NPHP1: variants seen among roughly 807,000 people sequenced by gnomAD.
NPHP1 encodes nephrocystin 1.
NPHP1 carries 70 observed loss-of-function variants against 90.4 expected under a neutral mutation model. That is an observed-to-expected ratio of 0.77 (90% CI 0.64 to 0.95). NPHP1 has a LOEUF of 0.95. Ranked by LOEUF, NPHP1 falls within the 40% of genes least tolerant of loss-of-function variation. The probability of loss-of-function intolerance (pLI) is 0.00; values close to 1 mark genes in which losing one functional copy is unlikely to be tolerated. For missense variants in NPHP1, 764 were observed against 795.9 expected (o/e 0.96, Z 0.48); for synonymous variants, 256 against 271.7 (o/e 0.94, Z 0.57).
At chr2:110,143,697 T>A in intron 15 of NPHP1, 56 bp from the exon 16 acceptor site, 2 of 1,189,960 alleles carry the variant, frequency 1.7e-6, no homozygotes, top group Non-Finnish European at 2.5e-6. Flanking sequence ...AGACAGTGAG[T>A]ATAATAAAAC....
At chr2:110,200,271 A>G (rs1685484124) in intron 2 of NPHP1, among the ~76,000 whole-genome samples, 1 of 142,424 alleles carries the variant, frequency 7.0e-6, no homozygotes, top group Admixed American at 7.0e-5. Flanking sequence ...AATAAAACAT[A>G]ACAATTATTA....
intron 4 of NPHP1, 45 bp downstream of exon 4, chr2:110,178,378 A>C (rs771738304): frequency 6.4e-7 from 1 of 1,561,746 alleles, no homozygotes; most frequent in Non-Finnish European, 8.8e-7. Flanking sequence ...GCTATTGGTG[A>C]TATATCTTTA....
intron 4 of NPHP1, 54 bp from the exon 5 acceptor site, chr2:110,170,052 C>A: frequency 1.2e-6 from 2 of 1,608,030 alleles, no homozygotes; most frequent in East Asian, 2.2e-5. Context: ...AAGAACAGAC[C>A]AGCTATGAGT....
At chr2:110,187,684 G>A (rs764055113) in intron 2 of NPHP1, among the ~76,000 whole-genome samples, 5 of 152,024 alleles carry the variant, frequency 3.3e-5, no homozygotes, top group African/African-American at 4.8e-5. Context: ...GCATCCTCCC[G>A]ATACCAAAAC....
chr2:110,136,495 G>A (rs947512752), intron 16 of NPHP1, among the ~76,000 whole-genome samples: 12 of 152,166 alleles, frequency 7.9e-5, no homozygotes, highest in East Asian at 3.9e-4. Context: ...CAAAATCCAC[G>A]TGCAAAAATC....
At chr2:110,139,204 TACACACACACAC>T (rs35627203) in intron 16 of NPHP1, among the ~76,000 whole-genome samples, 3 of 148,632 alleles carry the variant, frequency 2.0e-5, no homozygotes, top group African/African-American at 4.9e-5. Flanking sequence ...ATAGCAAATT[TACACACACACAC>T]ACACACACAC....
intron 2 of NPHP1, among the ~76,000 whole-genome samples, chr2:110,182,034 C>T (rs1683941775): frequency 6.6e-6 from 1 of 151,996 alleles, no homozygotes; most frequent in Admixed American, 6.6e-5. Context: ...GAAAGAATCT[C>T]AGAGCTTGAA....
chr2:110,193,215 T>C (rs891436353), intron 2 of NPHP1, among the ~76,000 whole-genome samples: 5 of 151,784 alleles, frequency 3.3e-5, no homozygotes, highest in Admixed American at 6.6e-5. Flanking sequence ...GATTGGAAAA[T>C]TGGATAAAGA....
rs781291281 is a variant in NPHP1 at position 110,169,960 on chromosome 2, C to T, written c.368G>A (p.Ser123Asn). 20 of 1,610,016 alleles carry T rather than the reference C, an allele frequency of 1.2e-5. No homozygotes were observed. Among genetic ancestry groups the T allele is most frequent in the Non-Finnish European group, 1.3e-5 (15 of 1,176,526 alleles). Reference protein sequence around the residue: ...APTEEEEESESEDSEDSGGEE... With the variant: ...APTEEEEESENEDSEDSGGEE... ...CCCACCACTGTCTTCACTATCTTCA[C>T]TTTCACTTTCTTCCTCTTCTTCAGT... The change falls in exon 5 of 20, where the codon AGT (serine) becomes AAT (asparagine). Residue 123 changes from serine (S) to asparagine (N), a missense_variant. Physicochemically the swap from Ser to Asn is conservative, Grantham distance 46. Coordinates refer to ENST00000445609, the MANE Select transcript of NPHP1 (RefSeq NM_001128178.3).
At chr2:110,185,161 A>T in intron 2 of NPHP1, 1 of 566,218 alleles carries the variant, frequency 1.8e-6, no homozygotes, top group Non-Finnish European at 3.5e-6. Context: ...TGCCTGATCT[A>T]TCCACAGGAA....
chr2:110,150,297 C>A (rs923635556), intron 11 of NPHP1, 41 bp from the exon 12 acceptor site: 4 of 1,576,212 alleles, frequency 2.5e-6, no homozygotes, highest in Non-Finnish European at 3.5e-6. Context: ...GTAAAAAGCT[C>A]TTTGAAATGT....
intron 2 of NPHP1, among the ~76,000 whole-genome samples, chr2:110,188,962 A>G (rs1684487645): frequency 6.6e-6 from 1 of 152,132 alleles, no homozygotes; most frequent in African/African-American, 2.4e-5. Flanking sequence ...AATTGAAACT[A>G]GAACCCCTTC....
intron 4 of NPHP1, among the ~76,000 whole-genome samples, chr2:110,176,691 A>G (rs1330544766): frequency 3.9e-5 from 6 of 152,096 alleles, no homozygotes; most frequent in Non-Finnish European, 8.8e-5. Flanking sequence ...CTTTATTCCT[A>G]GATCATGGTT....
chr2:110,194,992 T>C (rs536752075), intron 2 of NPHP1, among the ~76,000 whole-genome samples: 2 of 152,166 alleles, frequency 1.3e-5, no homozygotes, highest in African/African-American at 2.4e-5. Context: ...AAATTAGGTA[T>C]TGATGGGACG....
Position 110,201,458 on chromosome 2 carries a change from C to T in NPHP1, c.106G>A (p.Ala36Thr), listed in dbSNP as rs1337649065. The T allele has an allele frequency of 6.2e-7, 1 of 1,610,700 alleles. No homozygotes were observed. Among genetic ancestry groups the T allele is most frequent in the Non-Finnish European group, 8.5e-7 (1 of 1,177,968 alleles). ...SLLSESQLKE[A>T]LEPNKRQHIY... Reference sequence around the variant, plus strand: ...TGTTGTCTTTTATTGGGTTCTAGAGCTTCTTTCAGTTGGCTCTCAGAAAGC... The same window carrying T: ...TGTTGTCTTTTATTGGGTTCTAGAGTTTCTTTCAGTTGGCTCTCAGAAAGC... The change falls in exon 2 of 20, where the codon GCT (alanine) becomes ACT (threonine). Residue 36 changes from alanine to threonine, a missense_variant. Coordinates refer to ENST00000445609, the MANE Select transcript of NPHP1 (RefSeq NM_001128178.3).
chr2:110,163,613 G>A, intron 8 of NPHP1: 1 of 164,474 alleles, frequency 6.1e-6, no homozygotes, highest in South Asian at 1.6e-4. Flanking sequence ...AATTGTTAAT[G>A]GTGATTACTT....
At chr2:110,191,572 C>T (rs1684743362) in intron 2 of NPHP1, among the ~76,000 whole-genome samples, 1 of 152,326 alleles carries the variant, frequency 6.6e-6, no homozygotes, top group Admixed American at 6.5e-5. Flanking sequence ...TTAGAGTCCA[C>T]CTCTGGGGAC....
rs954406327 is a variant in NPHP1 at position 110,184,134 on chromosome 2, G to A, written c.144-4450C>T. 7.2e-6 allele frequency: 4 copies of A among 553,324 alleles called. No homozygotes were observed. The African/African-American group carries it at 7.6e-5, about 11-fold the overall frequency. The allele number at this position is 553,324 out of a possible 1,614,324, so 34.3% of individuals were successfully genotyped here. A position where few individuals can be genotyped will look rare whatever the true frequency, so the allele number is the denominator to read the frequency against. On this transcript the variant is annotated intron_variant, in intron 2 of 19. Transcript: ENST00000445609. ...TGGTGTGATTAAAGCTGGTTTTGCT[G>A]GTGATCAGATCCACAAATACTGCTT...
chr2:110,154,139 G>A (rs963752424), intron 11 of NPHP1, among the ~76,000 whole-genome samples: 6 of 152,036 alleles, frequency 3.9e-5, no homozygotes, highest in Non-Finnish European at 7.4e-5. Context: ...TCTTTCCTGC[G>A]CTGTTCTTGT....
Sources: gnomAD v4.1 joint callset for allele counts (sites outside exome capture counted in the v4.1 genomes callset) on GRCh38, gnomAD v4.1.1 for gene constraint, MANE v1.5 for transcripts, NCBI Gene and HGNC (gene_info 2026-07-23, HGNC 2026-07-21) for gene names.